GSS: variants seen among roughly 807,000 people sequenced by gnomAD.
The protein encoded by GSS is GSH synthetase.
In GSS, 34 loss-of-function variants were observed where a neutral mutation model predicts 60.4. That is an observed-to-expected ratio of 0.56 (90% CI 0.43 to 0.75). The LOEUF is 0.75. Among genes scored for constraint, GSS ranks in the 30% least tolerant of loss-of-function variants. The pLI, the probability that GSS is intolerant of heterozygous loss-of-function variation, is 0.00. For missense variants in GSS, 499 were observed against 595.1 expected, an observed-to-expected ratio of 0.84 and a Z score of 1.68; for synonymous variants, 224 against 239.0, an observed-to-expected ratio of 0.94 and a Z score of 0.58.
intron 10 of GSS, 127 bp downstream of exon 10, chr20:34,931,812 C>T: frequency 1.2e-6 from 1 of 834,912 alleles, no homozygotes; most frequent in Non-Finnish European, 2.0e-6. Flanking sequence ...TTCTCCAGAG[C>T]ATCACCAACC....
rs755275465 is a variant in GSS, at chr20:34,931,948, T to G, written c.1020A>C (p.Ser340=). ...RLRATFAGLY[S]LDVGEEGDQA... is the part of the protein sequence containing the mutation. ...CAGGCTGCCCACGTACCACATCCAG[T>G]GAGTAGAGGCCAGCAAAGGTGGCGC... Residue 340 remains serine, a synonymous_variant, in exon 10 of 13, where the codon TCA becomes TCC. Transcript: ENST00000651619. 2.5e-6 allele frequency: 4 copies of G among 1,613,666 alleles called. No individual in the cohort carries two copies. The highest frequency in any genetic ancestry group is 3.4e-6 in the Non-Finnish European group (4 of 1,179,930).
intron 9 of GSS, among the ~76,000 whole-genome samples, chr20:34,934,421 G>C (rs2081424947): frequency 6.6e-6 from 1 of 151,558 alleles, no homozygotes; most frequent in Non-Finnish European, 1.5e-5. Flanking sequence ...GGATTACAGG[G>C]GTATGCCACC....
chr20:34,934,683 C>T (rs968564710), intron 9 of GSS, among the ~76,000 whole-genome samples: 1 of 152,216 alleles, frequency 6.6e-6, no homozygotes. Flanking sequence ...GATACCACCT[C>T]TATAGAGCCT....
At position 34,937,388 on chromosome 20, in the gene GSS, C is replaced by G. The variant is rs7264920; in HGVS notation, c.609-365G>C. Among the ~76,000 whole-genome samples the G allele has an allele frequency of 3.7e-3, 563 of 152,228 alleles. 4 individuals carry two copies. The highest frequency in any genetic ancestry group is 0.013 in the African/African-American group (551 of 41,532). On this transcript the variant is annotated intron_variant, in intron 6 of 12. Coordinates refer to ENST00000651619, the MANE Select transcript of GSS (RefSeq NM_000178.4). Reference sequence around the variant, plus strand: ...CTTTTTCTTAGAACTTAACATAATTCTAAAATCTTTCTGGAAGAATAAACA... The same window carrying G: ...CTTTTTCTTAGAACTTAACATAATTGTAAAATCTTTCTGGAAGAATAAACA...
chr20:34,937,055 C>T (rs1600382302), intron 6 of GSS, 32 bp from the exon 7 acceptor site: 3 of 1,518,478 alleles, frequency 2.0e-6, no homozygotes, highest in African/African-American at 2.7e-5. Context: ...CCCGAGGCTA[C>T]TATAGAACTT....
chr20:34,951,553 A>G, intron 2 of GSS, 171 bp downstream of exon 2: 2 of 710,102 alleles, frequency 2.8e-6, no homozygotes, highest in East Asian at 5.5e-5. Context: ...TTTAAATTTG[A>G]TTACTCCAGG....
intron 1 of GSS, 80 bp downstream of exon 1, chr20:34,955,647 C>A (rs560138669): frequency 1.3e-5 from 2 of 152,454 alleles, no homozygotes; most frequent in African/African-American, 4.8e-5. Flanking sequence ...GAATTCCAAT[C>A]TCTTGCCAGA....
At chr20:34,943,575 T>TG (rs1305564933) in intron 3 of GSS, among the ~76,000 whole-genome samples, 1 of 152,190 alleles carries the variant, frequency 6.6e-6, no homozygotes, top group Non-Finnish European at 1.5e-5. Context: ...CTAAATATCC[T>TG]GGGTTTTTTT....
In GSS at chr20:34,951,841, G is replaced by C; in HGVS notation, c.12C>G (p.Asn4Lys). 1 of 1,614,154 alleles carries C rather than the reference G, an allele frequency of 6.2e-7. No individual in the cohort carries two copies. Among genetic ancestry groups the C allele is most frequent in the Non-Finnish European group, 8.5e-7 (1 of 1,180,020 alleles). The change falls in exon 2 of 13, where the codon AAC (asparagine) becomes AAG (lysine). Residue 4 changes from asparagine (N) to lysine (K), a missense_variant. Physicochemically the swap from Asn to Lys is moderately conservative, Grantham distance 94 (BLOSUM62 0). Transcript: ENST00000651619. ...GTTTATCCTGCAAGAGGCTCCCCCA[G>C]TTGGTGGCCATCCCAACACCTGCAA... MATNWGSLLQDKQQ... is the reference protein window; with the variant it reads MATKWGSLLQDKQQ...
intron 2 of GSS, among the ~76,000 whole-genome samples, chr20:34,947,993 A>G (rs1210867593): frequency 2.7e-5 from 4 of 146,954 alleles, no homozygotes; most frequent in Non-Finnish European, 5.9e-5. Flanking sequence ...TGTTGCCCAG[A>G]CTGGAATACA....
rs35607184 is a variant in GSS at position 34,935,457 on chromosome 20, C to T, written c.834+119G>A. 7.8e-3 allele frequency: 6,002 copies of T among 771,868 alleles called. 210 individuals carry two copies. In the African/African-American group the frequency reaches 0.083, roughly 11 times the overall value. The allele number at this position is 771,868 out of a possible 1,614,324, so 47.8% of individuals were successfully genotyped here. A position where few individuals can be genotyped will look rare whatever the true frequency, so the allele number is the denominator to read the frequency against. ...ATAGGAGGTTCTAGCAGCAAGCTCCCTGAGAAAGAAGTGAAGTGAGGACTC... is the reference window on the plus strand; with the variant it reads ...ATAGGAGGTTCTAGCAGCAAGCTCCTTGAGAAAGAAGTGAAGTGAGGACTC... On this transcript the variant is annotated intron_variant, in intron 9 of 12. Coordinates refer to ENST00000651619, the MANE Select transcript of GSS (RefSeq NM_000178.4).
intron 9 of GSS, chr20:34,933,475 A>G (rs916605191): frequency 2.0e-5 from 3 of 153,726 alleles, no homozygotes; most frequent in African/African-American, 7.2e-5. Context: ...AAAGGCAAGG[A>G]AACAGCAGGG....
chr20:34,937,525 G>A (rs2081449532), intron 6 of GSS, among the ~76,000 whole-genome samples: 1 of 152,156 alleles, frequency 6.6e-6, no homozygotes, highest in Non-Finnish European at 1.5e-5. Flanking sequence ...TCTTACACAA[G>A]ATGGAACCCT....
rs998965195 is a variant in GSS at position 34,955,759 on chromosome 20, G to A, written c.-41C>T. 6.6e-6 allele frequency: 1 copy of A among 152,228 alleles called. No individual in the cohort carries two copies. The highest frequency in any genetic ancestry group is 1.9e-4 in the East Asian group (1 of 5,198). 9.4% of individuals were successfully genotyped at this position (152,228 alleles called of 1,614,324 possible). ...CCTTTCCTCCGCGAACGGTTCTCCC[G>A]GCCCTCGCGCCGCTACCCAGGCTCA... On this transcript the variant is annotated 5_prime_UTR_variant, in exon 1 of 13. Coordinates refer to ENST00000651619, the MANE Select transcript of GSS (RefSeq NM_000178.4).
At chr20:34,930,444 T>C (rs34041698) in intron 11 of GSS, among the ~76,000 whole-genome samples, 2 of 152,210 alleles carry the variant, frequency 1.3e-5, no homozygotes, top group South Asian at 2.1e-4. Flanking sequence ...CTGAGTCATA[T>C]TTAACTCCTC....
chr20:34,938,909 A>T (rs2081461841), intron 6 of GSS, among the ~76,000 whole-genome samples: 1 of 152,020 alleles, frequency 6.6e-6, no homozygotes, highest in African/African-American at 2.4e-5. Context: ...GGGTAAGGCA[A>T]TTTCGTTCCT....
chr20:34,929,738 G>A, intron 11 of GSS, 148 bp from the exon 12 acceptor site: 1 of 765,612 alleles, frequency 1.3e-6, no homozygotes, highest in Non-Finnish European at 2.4e-6. Context: ...TCTCAGGAGG[G>A]AAGCTCACTT....
At chr20:34,931,495 G>T in intron 10 of GSS, 78 bp from the exon 11 acceptor site, 1 of 1,129,812 alleles carries the variant, frequency 8.9e-7, no homozygotes. Context: ...TGGTTATGCA[G>T]AGCAGCATCA....
intron 8 of GSS, among the ~76,000 whole-genome samples, chr20:34,935,853 T>C (rs2147124979): frequency 6.6e-6 from 1 of 152,266 alleles, no homozygotes; most frequent in East Asian, 1.9e-4. Context: ...CCATACAGAA[T>C]ACTTTAGAAT....
Sources: gnomAD v4.1 joint callset for allele counts (sites outside exome capture counted in the v4.1 genomes callset) on GRCh38, gnomAD v4.1.1 for gene constraint, MANE v1.5 for transcripts, NCBI Gene and HGNC (gene_info 2026-07-23, HGNC 2026-07-21) for gene names.